CCBE1: variants seen among roughly 807,000 people sequenced by gnomAD.
CCBE1 encodes the protein collagen and calcium binding EGF domains 1, also known as collagen and calcium-binding EGF domain-containing protein 1.
CCBE1 carries 37 observed loss-of-function variants against 50.0 expected under a neutral mutation model. The ratio of observed to expected loss-of-function variants is 0.74; its 90% CI spans 0.57 to 0.97. The LOEUF is 0.97. CCBE1 is among the 50% of genes least tolerant of loss of function. CCBE1 has a pLI of 0.00. For synonymous variants in CCBE1, 234 were observed against 203.7 expected (o/e 1.15, Z -1.27); for missense variants, 538 against 523.8 (o/e 1.03, Z -0.26).
chr18:59,612,256 C>T (rs2053578380), intron 2 of CCBE1, among the ~76,000 whole-genome samples: 1 of 143,846 alleles, frequency 7.0e-6, no homozygotes, highest in Admixed American at 7.4e-5. Context: ...AACTATCCTG[C>T]ACGTTGTGCA....
chr18:59,488,986 C>G (rs763207634), intron 2 of CCBE1, among the ~76,000 whole-genome samples: 10 of 152,180 alleles, frequency 6.6e-5, no homozygotes, highest in Non-Finnish European at 1.3e-4. Context: ...AAGTGAAAAG[C>G]TGCCAGTCCT....
rs1911930692 is a variant in CCBE1, at chr18:59,469,612, A to G, written c.266-5T>C. ...CCTCGGCACAAACGTCGTAATCTGA[A>G]AAAGCAAAGTGAGAGCTCACATCAA... is the stretch of plus-strand genomic sequence containing the variant. On this transcript the variant is annotated splice_region_variant and splice_polypyrimidine_tract_variant and intron_variant, in intron 3 of 10. Transcript: ENST00000439986. The G allele has an allele frequency of 3.1e-6, 5 of 1,614,080 alleles. No individual in the cohort carries two copies. In the East Asian group the frequency reaches 1.1e-4, roughly 36 times the overall value.
intron 2 of CCBE1, among the ~76,000 whole-genome samples, chr18:59,682,976 A>T (rs72969831): frequency 0.027 from 4,105 of 152,378 alleles, 72 homozygotes; most frequent in Middle Eastern, 0.051. Flanking sequence ...TTGTAAAGAA[A>T]TTATCAAATA....
chr18:59,547,373 A>C (rs996549743), intron 2 of CCBE1, among the ~76,000 whole-genome samples: 8 of 152,154 alleles, frequency 5.3e-5, no homozygotes, highest in Non-Finnish European at 8.8e-5. Context: ...AAACTGGGCA[A>C]GTTAAGTTGA....
intron 2 of CCBE1, among the ~76,000 whole-genome samples, chr18:59,692,956 G>GCACACA (rs59496597): frequency 1.3e-3 from 111 of 86,946 alleles, no homozygotes; most frequent in East Asian, 3.6e-3. Flanking sequence ...TCAAGCCAAA[G>GCACACA]CACACACACA....
intron 2 of CCBE1, among the ~76,000 whole-genome samples, chr18:59,600,081 A>T (rs2053409863): frequency 6.6e-6 from 1 of 152,134 alleles, no homozygotes; most frequent in African/African-American, 2.4e-5. Context: ...CAGAAAAAAT[A>T]TTAGATATTT....
intron 2 of CCBE1, among the ~76,000 whole-genome samples, chr18:59,533,464 CAT>C (rs1408669931): frequency 6.6e-6 from 1 of 152,120 alleles, no homozygotes. Flanking sequence ...ATTTTTAGTG[CAT>C]ACTTTTCAAA....
chr18:59,645,795 G>A (rs866448072), intron 2 of CCBE1, among the ~76,000 whole-genome samples: 1 of 152,194 alleles, frequency 6.6e-6, no homozygotes, highest in African/African-American at 2.4e-5. Flanking sequence ...ACTTTGGGAG[G>A]CCAAGGTGGG....
chr18:59,449,393 A>G (rs11878078), intron 6 of CCBE1, among the ~76,000 whole-genome samples: 65,879 of 150,772 alleles, frequency 0.44, 14,547 homozygotes, highest in Middle Eastern at 0.56. Context: ...AGGCCAAGGC[A>G]GGTGGATCAC....
At chr18:59,584,590 G>T (rs2053149319) in intron 2 of CCBE1, among the ~76,000 whole-genome samples, 1 of 152,184 alleles carries the variant, frequency 6.6e-6, no homozygotes, top group South Asian at 2.1e-4. Context: ...CAATGGTTTA[G>T]CTCCATTCCC....
At chr18:59,604,119 T>C (rs567856598) in intron 2 of CCBE1, among the ~76,000 whole-genome samples, 2 of 152,356 alleles carry the variant, frequency 1.3e-5, no homozygotes, top group African/African-American at 2.4e-5. Context: ...ATGGAGAAAG[T>C]AGGCAGAAGA....
intron 5 of CCBE1, among the ~76,000 whole-genome samples, chr18:59,456,280 G>T (rs532884919): frequency 6.6e-6 from 1 of 152,192 alleles, no homozygotes; most frequent in Non-Finnish European, 1.5e-5. Flanking sequence ...GAAATGGATC[G>T]TTACAGGTTG....
At chr18:59,641,244 T>A (rs921525645) in intron 2 of CCBE1, among the ~76,000 whole-genome samples, 2 of 147,888 alleles carry the variant, frequency 1.4e-5, no homozygotes, top group Non-Finnish European at 3.0e-5. Context: ...ATAAAAAAAA[T>A]GTGGTATACA....
Position 59,696,710 on chromosome 18 carries a change from CTA to C in CCBE1, c.132-3_132-2del, listed in dbSNP as rs772300511. On this transcript the variant is annotated splice_acceptor_variant and splice_polypyrimidine_tract_variant and intron_variant, in intron 1 of 10. Coordinates refer to ENST00000439986, the MANE Select transcript of CCBE1 (RefSeq NM_133459.4). LOFTEE classifies it high-confidence loss of function. ...GATTTTGCTCTCTGAGCAGATTTCT[CTA>C]TGAAAAAGTGCAGAGGAAATGTTCG... 1 of 1,613,700 alleles carries C rather than the reference CTA, an allele frequency of 6.2e-7. No individual in the cohort carries two copies. The highest frequency in any genetic ancestry group is 1.3e-5 in the African/African-American group (1 of 74,930).
intron 2 of CCBE1, among the ~76,000 whole-genome samples, chr18:59,519,492 CAG>C (rs1914509558): frequency 6.8e-6 from 1 of 147,852 alleles, no homozygotes; most frequent in Admixed American, 6.8e-5. Flanking sequence ...TATGGCTTTC[CAG>C]AGTCTTTGTT....
At chr18:59,586,017 A>G (rs530923486) in intron 2 of CCBE1, among the ~76,000 whole-genome samples, 1 of 152,340 alleles carries the variant, frequency 6.6e-6, no homozygotes, top group African/African-American at 2.4e-5. Flanking sequence ...TCTTTTTAGT[A>G]ATAATATTGG....
intron 2 of CCBE1, among the ~76,000 whole-genome samples, chr18:59,643,147 G>A (rs560047551): frequency 6.6e-6 from 1 of 152,148 alleles, no homozygotes; most frequent in South Asian, 2.1e-4. Context: ...CCTCCCAGAT[G>A]TCGTTCATCT....
intron 2 of CCBE1, among the ~76,000 whole-genome samples, chr18:59,643,959 G>T (rs561614526): frequency 6.6e-6 from 1 of 152,224 alleles, no homozygotes; most frequent in East Asian, 1.9e-4. Context: ...TTTGGCCCAG[G>T]CCCTCTCCCC....
rs545697067 is a variant in CCBE1, at chr18:59,514,531, C to A, written c.213-34293G>T. On this transcript the variant is annotated intron_variant, in intron 2 of 10. Coordinates refer to ENST00000439986, the MANE Select transcript of CCBE1 (RefSeq NM_133459.4). ...GCTGGCCCAGACTCCGAGGTTGGAGCCCTGTGCGTGTGAGGGTAGCTGCTG... is the reference window on the plus strand; with the variant it reads ...GCTGGCCCAGACTCCGAGGTTGGAGACCTGTGCGTGTGAGGGTAGCTGCTG... Among the ~76,000 whole-genome samples the A allele has an allele frequency of 2.6e-5, 4 of 151,992 alleles. No homozygotes were observed. The East Asian group carries it at 5.8e-4, about 22-fold the overall frequency.
Sources: gnomAD v4.1 joint callset for allele counts (sites outside exome capture counted in the v4.1 genomes callset) on GRCh38, gnomAD v4.1.1 for gene constraint, MANE v1.5 for transcripts, NCBI Gene and HGNC (gene_info 2026-07-23, HGNC 2026-07-21) for gene names.